Variants in SLC24A2 observed in about 807,000 individuals in gnomAD.
SLC24A2 encodes sodium/potassium/calcium exchanger 2.
SLC24A2 carries 36 observed loss-of-function variants against 62.0 expected under a neutral mutation model. That is an observed-to-expected ratio of 0.58 (90% CI 0.44 to 0.77). The LOEUF is 0.77. Ranked by LOEUF, SLC24A2 falls within the 30% of genes least tolerant of loss-of-function variation. SLC24A2 has a pLI of 0.00. For missense variants in SLC24A2, 846 were observed against 817.9 expected, an observed-to-expected ratio of 1.03 and a Z score of -0.42; for synonymous variants, 358 against 294.0, an observed-to-expected ratio of 1.22 and a Z score of -2.23.
chr9:20,129,235 A>G, the SLC24A2 span, among the ~76,000 whole-genome samples: 24 of 152,270 alleles, frequency 1.6e-4, no homozygotes, highest in South Asian at 4.1e-3. Flanking sequence ...AATCAAAACT[A>G]TAAACGAGAT....
the SLC24A2 span, among the ~76,000 whole-genome samples, chr9:20,105,379 A>C: frequency 6.6e-6 from 1 of 152,102 alleles, no homozygotes; most frequent in African/African-American, 2.4e-5. Flanking sequence ...CTCCACCCCA[A>C]ATCAACAGAA....
At chr9:19,936,448 A>G in the SLC24A2 span, among the ~76,000 whole-genome samples, 5 of 151,886 alleles carry the variant, frequency 3.3e-5, no homozygotes, top group Admixed American at 2.0e-4. Context: ...TAATTTTTGT[A>G]TTTTTTGCAG....
At chr9:19,831,286 C>T in the SLC24A2 span, among the ~76,000 whole-genome samples, 1 of 152,132 alleles carries the variant, frequency 6.6e-6, no homozygotes, top group Non-Finnish European at 1.5e-5. Flanking sequence ...GTCTGGCTGC[C>T]AGGGGAGAGT....
At chr9:20,077,073 T>C in the SLC24A2 span, among the ~76,000 whole-genome samples, 5 of 151,878 alleles carry the variant, frequency 3.3e-5, no homozygotes, top group African/African-American at 9.7e-5. Context: ...ATCTCACTTA[T>C]ATGTGAAATC....
At chr9:19,860,029 T>C in the SLC24A2 span, among the ~76,000 whole-genome samples, 2 of 152,136 alleles carry the variant, frequency 1.3e-5, no homozygotes, top group Non-Finnish European at 2.9e-5. Context: ...ACACAAAGAC[T>C]ACAACTCCTA....
At chr9:19,547,797 C>T (rs1261805137) in intron 8 of SLC24A2, among the ~76,000 whole-genome samples, 1 of 150,848 alleles carries the variant, frequency 6.6e-6, no homozygotes, top group Non-Finnish European at 1.5e-5. Flanking sequence ...TAGGGCCACA[C>T]AAAAGCATTG....
At position 19,545,164 on chromosome 9, in the gene SLC24A2, A is replaced by G. The variant is rs530948112; in HGVS notation, c.1479+4973T>C. ...TTCTCTAATCTTGTCTTCTCACTTC[A>G]TTTCATTAAGTTGATCTTCACTTTC... On this transcript the variant is annotated intron_variant, in intron 8 of 10. Transcript: ENST00000341998. 2.6e-5 allele frequency among the ~76,000 whole-genome samples: 4 copies of G among 151,512 alleles called. No individual in the cohort carries two copies. The South Asian group carries it at 8.4e-4, about 32-fold the overall frequency.
chr9:19,759,798 T>C (rs564648586), intron 2 of SLC24A2, among the ~76,000 whole-genome samples: 9 of 152,274 alleles, frequency 5.9e-5, no homozygotes, highest in African/African-American at 2.2e-4. Context: ...GTTTCCACCA[T>C]AAACCATATA....
chr9:20,254,730 G>A, the SLC24A2 span, among the ~76,000 whole-genome samples: 1 of 152,168 alleles, frequency 6.6e-6, no homozygotes, highest in Admixed American at 6.5e-5. Flanking sequence ...CAGGTTCCTG[G>A]ATGGGGGCTG....
At chr9:20,065,046 C>T in the SLC24A2 span, among the ~76,000 whole-genome samples, 3 of 152,182 alleles carry the variant, frequency 2.0e-5, no homozygotes, top group African/African-American at 4.8e-5. Flanking sequence ...GGTATCCAAC[C>T]GATGAGCTGC....
At chr9:20,202,978 C>A in the SLC24A2 span, among the ~76,000 whole-genome samples, 1 of 152,146 alleles carries the variant, frequency 6.6e-6, no homozygotes, top group Non-Finnish European at 1.5e-5. Context: ...AGATTTCCAT[C>A]CCACCAGAGT....
the SLC24A2 span, among the ~76,000 whole-genome samples, chr9:20,157,685 TAC>T: frequency 6.7e-6 from 1 of 149,834 alleles, no homozygotes; most frequent in East Asian, 2.0e-4. Context: ...GAGAATCAAA[TAC>T]AGAAAATACA....
chr9:19,989,695 T>C, the SLC24A2 span, among the ~76,000 whole-genome samples: 118,823 of 152,162 alleles, frequency 0.78, 46,767 homozygotes, highest in Non-Finnish European at 0.84. Context: ...TCCCTTCTCT[T>C]GCAAAGGAAC....
At chr9:19,951,104 A>G in the SLC24A2 span, among the ~76,000 whole-genome samples, 1 of 152,204 alleles carries the variant, frequency 6.6e-6, no homozygotes, top group African/African-American at 2.4e-5. Flanking sequence ...AGTTCCCGCC[A>G]GGAAGTATCA....
At chr9:19,975,875 T>A in the SLC24A2 span, among the ~76,000 whole-genome samples, 1,458 of 151,712 alleles carry the variant, frequency 9.6e-3, 10 homozygotes, top group Middle Eastern at 0.017. Context: ...GAAAAAAAAA[T>A]AACAATATGA....
At chr9:20,099,881 C>A in the SLC24A2 span, among the ~76,000 whole-genome samples, 1 of 152,304 alleles carries the variant, frequency 6.6e-6, no homozygotes, top group East Asian at 1.9e-4. Context: ...GCCCAAATCC[C>A]ACCACTCATG....
intron 2 of SLC24A2, among the ~76,000 whole-genome samples, chr9:19,699,423 T>C (rs774666307): frequency 1.5e-4 from 23 of 152,314 alleles, no homozygotes; most frequent in Non-Finnish European, 2.6e-4. Context: ...TGCAGCATTA[T>C]GTACAGGCTT....
chr9:20,119,928 A>G, the SLC24A2 span, among the ~76,000 whole-genome samples: 3 of 152,160 alleles, frequency 2.0e-5, no homozygotes, highest in Non-Finnish European at 4.4e-5. Flanking sequence ...AACAACACAA[A>G]TTTATTGCCT....
intron 7 of SLC24A2, among the ~76,000 whole-genome samples, chr9:19,558,163 A>C (rs2132784200): frequency 1.3e-5 from 2 of 152,236 alleles, no homozygotes; most frequent in South Asian, 4.1e-4. Context: ...TCCTTTTCTC[A>C]GAGTCATATA....
Sources: gnomAD v4.1 joint callset for allele counts (sites outside exome capture counted in the v4.1 genomes callset) on GRCh38, gnomAD v4.1.1 for gene constraint, MANE v1.5 for transcripts, NCBI Gene and HGNC (gene_info 2026-07-23, HGNC 2026-07-21) for gene names.